Variants in WDR45B observed in about 807,000 individuals in gnomAD.
The protein encoded by WDR45B is WD repeat domain 45B.
WDR45B carries 20 observed loss-of-function variants against 44.6 expected under a neutral mutation model. The ratio of observed to expected loss-of-function variants is 0.45; its 90% CI spans 0.32 to 0.65. The LOEUF is 0.65. WDR45B is among the 30% of genes least tolerant of loss of function. The pLI is 0.05. For missense variants in WDR45B, 323 were observed against 430.2 expected, an observed-to-expected ratio of 0.75 and a Z score of 2.20; for synonymous variants, 169 against 164.9, an observed-to-expected ratio of 1.02 and a Z score of -0.19.
At chr17:82,641,591 G>A (rs1488023905) in intron 2 of WDR45B, among the ~76,000 whole-genome samples, 1 of 152,150 alleles carries the variant, frequency 6.6e-6, no homozygotes, top group African/African-American at 2.4e-5. Flanking sequence ...ATACTATGAA[G>A]CTTCCTTAAA....
intron 6 of WDR45B, among the ~76,000 whole-genome samples, chr17:82,619,874 G>A (rs1231651599): frequency 1.3e-5 from 2 of 152,206 alleles, no homozygotes; most frequent in African/African-American, 4.8e-5. Context: ...CACGGGATGG[G>A]TCACAGATGT....
At chr17:82,630,004 C>CA in intron 3 of WDR45B, 3 of 979,452 alleles carry the variant, frequency 3.1e-6, no homozygotes, top group Non-Finnish European at 3.6e-6. Flanking sequence ...GGCTCCCACT[C>CA]AGTCATCCTC....
chr17:82,647,955 GC>G (rs1418459158), intron 1 of WDR45B, among the ~76,000 whole-genome samples: 1 of 147,988 alleles, frequency 6.8e-6, no homozygotes, highest in African/African-American at 2.5e-5. Flanking sequence ...CGCGCAGGAG[GC>G]TGGGGTTCTG....
chr17:82,616,976 C>A, intron 8 of WDR45B, among the ~76,000 whole-genome samples: 1 of 151,890 alleles, frequency 6.6e-6, no homozygotes, highest in Admixed American at 6.6e-5. Flanking sequence ...CGCCACCACG[C>A]CCGGCTAGTT....
chr17:82,629,614 T>C, intron 3 of WDR45B: 1 of 985,486 alleles, frequency 1.0e-6, no homozygotes, highest in Non-Finnish European at 1.2e-6. Context: ...CTCTTCCCAT[T>C]TCATTTCTCT....
chr17:82,643,908 T>A, intron 2 of WDR45B, 41 bp downstream of exon 2: 1 of 1,600,674 alleles, frequency 6.2e-7, no homozygotes, highest in Non-Finnish European at 8.6e-7. Context: ...CTCCGAGGGT[T>A]GGAAAGGGGA....
chr17:82,627,301 C>G lies in WDR45B; in HGVS notation c.245-10G>C, dbSNP rs1231093395. 6 of 1,603,142 alleles carry G rather than the reference C, an allele frequency of 3.7e-6. No individual in the cohort carries two copies. The highest frequency in any genetic ancestry group is 5.1e-6 in the Non-Finnish European group (6 of 1,172,508). ...TCATCCCAGATCATTACTGAAATAT[C>G]AGAAAGAAAAGATGAATGCAGTCAT... On this transcript the variant is annotated splice_polypyrimidine_tract_variant and intron_variant, in intron 3 of 9. Transcript: ENST00000392325.
chr17:82,632,731 T>A (rs184403119), intron 2 of WDR45B, among the ~76,000 whole-genome samples: 9 of 152,218 alleles, frequency 5.9e-5, no homozygotes, highest in Non-Finnish European at 1.3e-4. Context: ...CTTCGAGATA[T>A]TTAAAATTCA....
chr17:82,615,664 C>T lies in WDR45B; in HGVS notation c.*255G>A. 1.9e-6 allele frequency: 1 copy of T among 529,864 alleles called. No homozygotes were observed. The highest frequency in any genetic ancestry group is 1.9e-5 in the African/African-American group (1 of 52,274). 32.8% of individuals were successfully genotyped at this position (529,864 alleles called of 1,614,324 possible). On this transcript the variant is annotated 3_prime_UTR_variant, in exon 10 of 10. Coordinates refer to ENST00000392325, the MANE Select transcript of WDR45B (RefSeq NM_019613.4). ...CACTGAAGCTAACGTCACAGCTGAA[C>T]TCATGGGAACAGCCAGTGGCCGCCA... is the stretch of plus-strand genomic sequence containing the variant.
At chr17:82,622,724 T>A (rs533774582) in intron 5 of WDR45B, among the ~76,000 whole-genome samples, 7,274 of 150,002 alleles carry the variant, frequency 0.048, 192 homozygotes, top group Middle Eastern at 0.068. Flanking sequence ...GACCAAAAAT[T>A]TTTTTTTTTT....
chr17:82,647,318 T>C (rs1246139108), intron 1 of WDR45B, among the ~76,000 whole-genome samples: 1 of 152,150 alleles, frequency 6.6e-6, no homozygotes, highest in Admixed American at 6.5e-5. Flanking sequence ...AAAGCCAACA[T>C]GTAAAGCCTC....
At position 82,615,866 on chromosome 17, in the gene WDR45B, C is replaced by A; in HGVS notation, c.*53G>T. 1 of 1,563,694 alleles carries A rather than the reference C, an allele frequency of 6.4e-7. No individual in the cohort carries two copies. On this transcript the variant is annotated 3_prime_UTR_variant, in exon 10 of 10. Coordinates refer to ENST00000392325, the MANE Select transcript of WDR45B (RefSeq NM_019613.4). ...AGGCCCCTGGGGCACTGGCACCAGC[C>A]CCGAGAGTCTGAAGGCGGCAGGTGG...
chr17:82,642,469 A>AGTT (rs2045930052), intron 2 of WDR45B, among the ~76,000 whole-genome samples: 1 of 152,214 alleles, frequency 6.6e-6, no homozygotes, highest in African/African-American at 2.4e-5. Flanking sequence ...CCGCTGCTTT[A>AGTT]TAATAAACTG....
At chr17:82,618,713 G>A (rs914821872) in intron 7 of WDR45B, among the ~76,000 whole-genome samples, 3 of 151,962 alleles carry the variant, frequency 2.0e-5, no homozygotes, top group Non-Finnish European at 4.4e-5. Context: ...CAGCCTGGGC[G>A]ACAGAGCAAG....
chr17:82,621,915 A>C (rs2045624243), intron 5 of WDR45B, 116 bp from the exon 6 acceptor site: 5 of 1,147,460 alleles, frequency 4.4e-6, no homozygotes, highest in Non-Finnish European at 5.1e-6. Flanking sequence ...TATAAATATC[A>C]GAACCACAAA....
At chr17:82,642,460 C>T (rs963027468) in intron 2 of WDR45B, among the ~76,000 whole-genome samples, 5 of 152,174 alleles carry the variant, frequency 3.3e-5, no homozygotes, top group Admixed American at 1.3e-4. Flanking sequence ...GGCTGCAGAC[C>T]GCTGCTTTAT....
intron 5 of WDR45B, among the ~76,000 whole-genome samples, chr17:82,623,290 G>A (rs1195983377): frequency 1.3e-5 from 2 of 151,680 alleles, no homozygotes; most frequent in Non-Finnish European, 2.9e-5. Context: ...GGGGGACTGA[G>A]GCAGGAGAAT....
chr17:82,642,462 C>T (rs1384721173), intron 2 of WDR45B, among the ~76,000 whole-genome samples: 1 of 152,218 alleles, frequency 6.6e-6, no homozygotes, highest in Non-Finnish European at 1.5e-5. Flanking sequence ...CTGCAGACCG[C>T]TGCTTTATAA....
chr17:82,628,647 T>A (rs902502076), intron 3 of WDR45B, among the ~76,000 whole-genome samples: 1 of 151,846 alleles, frequency 6.6e-6, no homozygotes, highest in Non-Finnish European at 1.5e-5. Flanking sequence ...CAGTGAGCTA[T>A]GATCACCCCA....
Sources: gnomAD v4.1 joint callset for allele counts (sites outside exome capture counted in the v4.1 genomes callset) on GRCh38, gnomAD v4.1.1 for gene constraint, MANE v1.5 for transcripts, NCBI Gene and HGNC (gene_info 2026-07-23, HGNC 2026-07-21) for gene names.